Variants in MECOM observed in about 807,000 individuals in gnomAD.
MECOM encodes histone-lysine N-methyltransferase MECOM.
In MECOM, 13 loss-of-function variants were observed where a neutral mutation model predicts 116.3. That is an observed-to-expected ratio of 0.11 (90% confidence interval 0.07 to 0.18). The LOEUF is 0.18. Among genes scored for constraint, MECOM ranks in the 10% least tolerant of loss-of-function variants. The pLI, the probability that MECOM is intolerant of heterozygous loss-of-function variation, is 1.00. For synonymous variants in MECOM, 528 were observed against 535.2 expected, an observed-to-expected ratio of 0.99 and a Z score of 0.19; for missense variants, 1,299 against 1,509.0, an observed-to-expected ratio of 0.86 and a Z score of 2.31.
chr3:169,303,075 CA>C (rs1359414304), intron 2 of MECOM, among the ~76,000 whole-genome samples: 1 of 151,990 alleles, frequency 6.6e-6, no homozygotes, highest in Middle Eastern at 3.2e-3. Context: ...AATGATCACC[CA>C]AAAAGGTCAC....
chr3:169,377,025 A>G (rs1271798274), intron 2 of MECOM, among the ~76,000 whole-genome samples: 1 of 152,162 alleles, frequency 6.6e-6, no homozygotes, highest in Non-Finnish European at 1.5e-5. Context: ...ATAACACCAC[A>G]CATCTACAAC....
intron 2 of MECOM, among the ~76,000 whole-genome samples, chr3:169,376,213 G>A (rs910921142): frequency 6.6e-6 from 1 of 152,276 alleles, no homozygotes; most frequent in East Asian, 1.9e-4. Context: ...TACACCCACA[G>A]CCAATATCAT....
chr3:169,274,618 A>C, intron 2 of MECOM, among the ~76,000 whole-genome samples: 1 of 152,238 alleles, frequency 6.6e-6, no homozygotes, highest in East Asian at 1.9e-4. Context: ...TAAATGTTGA[A>C]GTTTCTCTAG....
At chr3:169,275,418 G>A (rs1402021517) in intron 2 of MECOM, among the ~76,000 whole-genome samples, 1 of 152,090 alleles carries the variant, frequency 6.6e-6, no homozygotes, top group Non-Finnish European at 1.5e-5. Flanking sequence ...TTATCTAGGT[G>A]TTGTCATTGG....
chr3:169,332,557 G>A (rs905164731), intron 2 of MECOM, among the ~76,000 whole-genome samples: 1 of 152,044 alleles, frequency 6.6e-6, no homozygotes, highest in African/African-American at 2.4e-5. Flanking sequence ...GTCTTGGTAC[G>A]TACATGGTTT....
At chr3:169,168,153 G>A (rs1189823670) in intron 2 of MECOM, among the ~76,000 whole-genome samples, 4 of 152,032 alleles carry the variant, frequency 2.6e-5, no homozygotes, top group Non-Finnish European at 5.9e-5. Context: ...GCTTTAGATT[G>A]TGGAGATAAT....
At chr3:169,529,350 T>C (rs1758317660) in intron 1 of MECOM, among the ~76,000 whole-genome samples, 1 of 152,234 alleles carries the variant, frequency 6.6e-6, no homozygotes, top group African/African-American at 2.4e-5. Flanking sequence ...TGATCTTCTA[T>C]CAACAATTTG....
At chr3:169,433,679 A>AAGAAAGAAAGAAAGAAAG (rs1284612760) in intron 1 of MECOM, among the ~76,000 whole-genome samples, 19 of 146,768 alleles carry the variant, frequency 1.3e-4, no homozygotes, top group African/African-American at 4.7e-4. Flanking sequence ...GAAAGAAAGA[A>AAGAAAGAAAGAAAGAAAG]AGAAAGAAAG....
chr3:169,475,197 C>T (rs760212054), intron 1 of MECOM, among the ~76,000 whole-genome samples: 1 of 152,176 alleles, frequency 6.6e-6, no homozygotes, highest in Non-Finnish European at 1.5e-5. Flanking sequence ...GGAAAAAAGA[C>T]AATTTGTGCT....
In MECOM at chr3:169,126,640, T is replaced by C. The variant is rs1296508941; in HGVS notation, c.830+1204A>G. Among the ~76,000 whole-genome samples the C allele has an allele frequency of 2.0e-5, 3 of 152,056 alleles. No individual in the cohort carries two copies. The East Asian group carries it at 5.8e-4, about 29-fold the overall frequency. On this transcript the variant is annotated intron_variant, in intron 5 of 16. Coordinates refer to ENST00000651503, the MANE Select transcript of MECOM (RefSeq NM_004991.4). ...GTTTACTCTCTAATAGCTAAATTAG[T>C]CCTAAATTTTCAAAGCTAGATACTT...
rs114879243 is a variant in MECOM, at chr3:169,377,454, G to A, written c.375+3733C>T. On this transcript the variant is annotated intron_variant, in intron 2 of 16. Coordinates refer to ENST00000651503, the MANE Select transcript of MECOM (RefSeq NM_004991.4). ...AAAGGGTAATGTCCCAAATCTAGAC[G>A]GAACTTAAACAAATTTACAAATAAA... Among the ~76,000 whole-genome samples the A allele has an allele frequency of 7.9e-3, 1,194 of 152,082 alleles. 18 individuals carry two copies. The highest frequency in any genetic ancestry group is 0.027 in the African/African-American group (1,103 of 41,508).
intron 2 of MECOM, among the ~76,000 whole-genome samples, chr3:169,191,603 G>A (rs1035200964): frequency 2.0e-5 from 3 of 150,116 alleles, no homozygotes; most frequent in Admixed American, 1.3e-4. Context: ...AAGAAAGAAC[G>A]AAGGAAGGAG....
chr3:169,248,559 A>T (rs1191417465), intron 2 of MECOM, among the ~76,000 whole-genome samples: 2 of 152,162 alleles, frequency 1.3e-5, no homozygotes, highest in Non-Finnish European at 2.9e-5. Context: ...TTCTTTGAGT[A>T]CTATTCTTTG....
intron 2 of MECOM, among the ~76,000 whole-genome samples, chr3:169,363,804 T>A (rs62293353): frequency 0.04 from 6,095 of 151,956 alleles, 160 homozygotes; most frequent in Non-Finnish European, 0.059. Context: ...CCGGATCTCA[T>A]TATTTTCCCA....
At chr3:169,246,573 G>GGC (rs1174742330) in intron 2 of MECOM, among the ~76,000 whole-genome samples, 1 of 141,494 alleles carries the variant, frequency 7.1e-6, no homozygotes, top group Non-Finnish European at 1.5e-5. Context: ...ATGTCACCCA[G>GGC]GCTGGAGTGC....
intron 1 of MECOM, among the ~76,000 whole-genome samples, chr3:169,490,416 G>C (rs1560347565): frequency 6.6e-6 from 1 of 152,152 alleles, no homozygotes; most frequent in Admixed American, 6.6e-5. Flanking sequence ...CCCTGTTTGT[G>C]ATAACAGAAA....
chr3:169,240,129 G>A (rs1473001276), intron 2 of MECOM, among the ~76,000 whole-genome samples: 1 of 152,178 alleles, frequency 6.6e-6, no homozygotes, highest in Non-Finnish European at 1.5e-5. Flanking sequence ...TATGATTATA[G>A]AATGTCTGAA....
At chr3:169,572,816 C>T (rs148794334) in intron 1 of MECOM, among the ~76,000 whole-genome samples, 12 of 150,572 alleles carry the variant, frequency 8.0e-5, no homozygotes, top group African/African-American at 2.2e-4. Context: ...CATCACACAC[C>T]GGGGCCTGTT....
Position 169,402,033 on chromosome 3 carries a change from T to G in MECOM, c.38-20509A>C, listed in dbSNP as rs545795927. Reference sequence around the variant, plus strand: ...GAAAGCAGATGGACCAGTCAGAGGCTGTTTCAGTAGTCCATGACAGAAATC... The same window carrying G: ...GAAAGCAGATGGACCAGTCAGAGGCGGTTTCAGTAGTCCATGACAGAAATC... On this transcript the variant is annotated intron_variant, in intron 1 of 16. Coordinates refer to ENST00000651503, the MANE Select transcript of MECOM (RefSeq NM_004991.4). Among the ~76,000 whole-genome samples, 203 of 152,296 alleles carry G rather than the reference T, an allele frequency of 1.3e-3. 1 individual carries two copies. The highest frequency in any genetic ancestry group is 4.6e-3 in the African/African-American group (192 of 41,574).
Sources: gnomAD v4.1 joint callset for allele counts (sites outside exome capture counted in the v4.1 genomes callset) on GRCh38, gnomAD v4.1.1 for gene constraint, MANE v1.5 for transcripts, NCBI Gene and HGNC (gene_info 2026-07-23, HGNC 2026-07-21) for gene names.